The following SNX29 variants were observed in gnomAD, a reference collection of about 807,000 sequenced individuals.
SNX29 encodes the protein sorting nexin 29, also known as sorting nexin-29.
Under a neutral mutation model 102.1 loss-of-function variants are expected in SNX29, and 78 were observed. The observed-to-expected ratio is 0.76, with a 90% CI of 0.64 to 0.92. The LOEUF (loss-of-function observed/expected upper bound fraction) is 0.92, where lower values mean the gene tolerates loss of function less well. Ranked by LOEUF, SNX29 falls within the 40% of genes least tolerant of loss-of-function variation. SNX29 has a pLI of 0.00. For synonymous variants in SNX29, 580 were observed against 414.5 expected, an observed-to-expected ratio of 1.40 and a Z score of -4.85; for missense variants, 1,280 against 1,061.7, an observed-to-expected ratio of 1.21 and a Z score of -2.86.
chr16:12,561,292 C>G (rs769267766), intron 20 of SNX29: 4 of 230,790 alleles, frequency 1.7e-5, no homozygotes, highest in Non-Finnish European at 2.6e-5. Context: ...GGAGAACATT[C>G]TCCATGATCT....
Position 12,129,718 on chromosome 16 carries a change from C to A in SNX29, c.1555C>A (p.Gln519Lys). 1 of 1,610,440 alleles carries A rather than the reference C, an allele frequency of 6.2e-7. No individual in the cohort carries two copies. The highest frequency in any genetic ancestry group is 8.5e-7 in the Non-Finnish European group (1 of 1,179,268). Reference sequence around the variant, plus strand: ...CACCTTGAAAAGGAAGGTGGCTGAACAGGAGGAGCGGCAGGGCATGAAGGT... The same window carrying A: ...CACCTTGAAAAGGAAGGTGGCTGAAAAGGAGGAGCGGCAGGGCATGAAGGT... ...VDTLKRKVAE[Q>K]EERQGMKVQA... Residue 519 changes from glutamine (Q) to lysine (K), a missense_variant, in exon 13 of 21, where the codon CAG becomes AAG. Transcript: ENST00000566228.
intron 20 of SNX29, among the ~76,000 whole-genome samples, chr16:12,565,646 C>T (rs1025302610): frequency 2.0e-5 from 3 of 152,224 alleles, no homozygotes; most frequent in African/African-American, 4.8e-5. Flanking sequence ...ACACATATAG[C>T]CTCGTGACAG....
intron 15 of SNX29, among the ~76,000 whole-genome samples, chr16:12,313,739 A>T (rs115644593): frequency 3.3e-5 from 5 of 152,182 alleles, no homozygotes; most frequent in Non-Finnish European, 7.3e-5. Context: ...CCGGGTATGG[A>T]GTCTTAATTG....
rs530410984 is a variant in SNX29 at position 12,242,284 on chromosome 16, TTTTA to T, written c.1679-35627_1679-35624del. ...GAGAAGGAAGCTACCAGTGCCCTGA[TTTTA>T]TTTATTTATTTATTTATTTATAGTG... is the stretch of plus-strand genomic sequence containing the variant. On this transcript the variant is annotated intron_variant, in intron 14 of 20. Coordinates refer to ENST00000566228, the MANE Select transcript of SNX29 (RefSeq NM_032167.5). Among the ~76,000 whole-genome samples the T allele has an allele frequency of 2.7e-5, 4 of 150,644 alleles. No homozygotes were observed. The South Asian group carries it at 6.3e-4, about 24-fold the overall frequency.
chr16:12,129,089 T>G (rs1365995773), intron 12 of SNX29, among the ~76,000 whole-genome samples: 1 of 152,254 alleles, frequency 6.6e-6, no homozygotes, highest in African/African-American at 2.4e-5. Flanking sequence ...TATATATGCT[T>G]GTTTCACCTG....
At chr16:12,017,322 T>A (rs1304502588) in intron 3 of SNX29, among the ~76,000 whole-genome samples, 1 of 152,200 alleles carries the variant, frequency 6.6e-6, no homozygotes, top group Admixed American at 6.5e-5. Flanking sequence ...TGAGTATCTT[T>A]TCTTATATTT....
intron 13 of SNX29, among the ~76,000 whole-genome samples, chr16:12,185,717 C>T (rs830706): frequency 0.59 from 89,530 of 152,178 alleles, 29,853 homozygotes; most frequent in Non-Finnish European, 0.73. Context: ...TGTGCAAGAG[C>T]CAGATTGAGT....
chr16:12,398,758 A>AT, intron 17 of SNX29, among the ~76,000 whole-genome samples: 1 of 151,792 alleles, frequency 6.6e-6, no homozygotes, highest in East Asian at 1.9e-4. Flanking sequence ...AAGCTATCAC[A>AT]TAACACAAAT....
At chr16:12,419,573 C>CAA (rs1555532587) in intron 18 of SNX29, among the ~76,000 whole-genome samples, 2 of 149,250 alleles carry the variant, frequency 1.3e-5, no homozygotes, top group African/African-American at 4.9e-5. Flanking sequence ...CCCCCCCCCC[C>CAA]ATCTTTCTGT....
Position 12,227,125 on chromosome 16 carries a change from C to T in SNX29, c.1678+27442C>T, listed in dbSNP as rs565641154. On this transcript the variant is annotated intron_variant, in intron 14 of 20. Transcript: ENST00000566228. ...ACAAGCCAGCATTGCTGTTGTCATGCAGTGCATCTGGGGGTCTGGCGGATT... is the reference window on the plus strand; with the variant it reads ...ACAAGCCAGCATTGCTGTTGTCATGTAGTGCATCTGGGGGTCTGGCGGATT... 4.7e-4 allele frequency among the ~76,000 whole-genome samples: 62 copies of T among 132,160 alleles called. 1 individual carries two copies. In the South Asian group the frequency reaches 7.1e-3, roughly 15 times the overall value. 86.7% of individuals were successfully genotyped at this position (132,160 alleles called of 152,430 possible).
At chr16:12,294,528 C>T (rs1317901460) in intron 15 of SNX29, among the ~76,000 whole-genome samples, 1 of 152,202 alleles carries the variant, frequency 6.6e-6, no homozygotes, top group Non-Finnish European at 1.5e-5. Context: ...GCACCCGCCT[C>T]CCTCTGCTGT....
At chr16:11,984,170 T>C (rs948492150) in intron 1 of SNX29, among the ~76,000 whole-genome samples, 3 of 151,814 alleles carry the variant, frequency 2.0e-5, no homozygotes, top group Non-Finnish European at 2.9e-5. Flanking sequence ...CTGGGCAACA[T>C]AGTGGGACCC....
At chr16:12,348,107 C>T (rs1039150152) in intron 15 of SNX29, among the ~76,000 whole-genome samples, 2 of 151,922 alleles carry the variant, frequency 1.3e-5, no homozygotes, top group African/African-American at 4.8e-5. Flanking sequence ...AATAGGGTAC[C>T]AGGAATCAAA....
intron 9 of SNX29, among the ~76,000 whole-genome samples, chr16:12,066,688 G>A (rs2051053070): frequency 6.6e-6 from 1 of 151,680 alleles, no homozygotes. Flanking sequence ...GTGGGGAGGA[G>A]GGCCGGAGAT....
intron 13 of SNX29, among the ~76,000 whole-genome samples, chr16:12,162,273 A>T (rs550751124): frequency 1.2e-4 from 18 of 152,284 alleles, no homozygotes; most frequent in African/African-American, 4.3e-4. Context: ...TTACCCTCTC[A>T]TCGTCCATCC....
intron 11 of SNX29, 95 bp from the exon 12 acceptor site, chr16:12,126,538 A>G: frequency 7.8e-7 from 1 of 1,285,706 alleles, no homozygotes; most frequent in Non-Finnish European, 1.1e-6. Context: ...TTATCTAGAC[A>G]AGTCATCCTT....
chr16:12,453,294 C>T (rs146947180), intron 18 of SNX29, among the ~76,000 whole-genome samples: 1 of 152,212 alleles, frequency 6.6e-6, no homozygotes, highest in Non-Finnish European at 1.5e-5. Context: ...CCCCACATGA[C>T]CACCATCTTC....
At chr16:12,127,163 G>T (rs1222048683) in intron 12 of SNX29, among the ~76,000 whole-genome samples, 1 of 151,640 alleles carries the variant, frequency 6.6e-6, no homozygotes, top group Non-Finnish European at 1.5e-5. Context: ...GGAGGCTGAG[G>T]CAGGAGAATT....
chr16:12,258,150 G>C (rs2078629204), intron 14 of SNX29, among the ~76,000 whole-genome samples: 1 of 152,158 alleles, frequency 6.6e-6, no homozygotes, highest in Admixed American at 6.5e-5. Context: ...CAGCTCCCCT[G>C]ATGAAAGGCC....
Sources: gnomAD v4.1 joint callset for allele counts (sites outside exome capture counted in the v4.1 genomes callset) on GRCh38, gnomAD v4.1.1 for gene constraint, MANE v1.5 for transcripts, NCBI Gene and HGNC (gene_info 2026-07-23, HGNC 2026-07-21) for gene names.